The following LAMA4 variants were observed in gnomAD, a reference collection of about 807,000 sequenced individuals.
LAMA4 encodes laminin subunit alpha 4, also known as laminin subunit alpha-4.
A neutral mutation model predicts 207.1 loss-of-function variants in LAMA4; 127 were observed. The ratio of observed to expected loss-of-function variants is 0.61; its 90% CI spans 0.53 to 0.71. The LOEUF is 0.71. LAMA4 is among the 30% of genes least tolerant of loss of function. LAMA4 has a pLI of 0.00. For synonymous variants in LAMA4, 761 were observed against 816.0 expected (o/e 0.93, Z 1.15); for missense variants, 2,093 against 2,246.5 (o/e 0.93, Z 1.38).
chr6:112,156,097 T>C (rs1780696227), intron 14 of LAMA4, among the ~76,000 whole-genome samples: 1 of 152,084 alleles, frequency 6.6e-6, no homozygotes, highest in Non-Finnish European at 1.5e-5. Flanking sequence ...AAGCCAAGGC[T>C]CTAGGAGAGT....
intron 16 of LAMA4, among the ~76,000 whole-genome samples, chr6:112,151,174 T>C (rs1780381294): frequency 6.6e-6 from 1 of 152,210 alleles, no homozygotes; most frequent in African/African-American, 2.4e-5. Context: ...CTAGAGCCCC[T>C]GTGATAACCC....
chr6:112,144,827 C>T lies in LAMA4; in HGVS notation c.2460G>A (p.Glu820=), dbSNP rs1554334108. 2.5e-6 allele frequency: 4 copies of T among 1,613,824 alleles called. No individual in the cohort carries two copies. The Admixed American group carries it at 5.0e-5, about 20-fold the overall frequency. The change falls in exon 19 of 39, where the codon GAG becomes GAA. Residue 820 remains glutamate (E), a synonymous_variant. Coordinates refer to ENST00000230538, the MANE Select transcript of LAMA4 (RefSeq NM_001105206.3). The part of the protein sequence containing the change: ...NVSASIQRIR[E]LIAQTRSVAS... ...CAACACTTCTGGTCTGAGCAATGAG[C>T]TCTCGGATCCTCTGGATGCTGGCAG...
Position 112,136,177 on chromosome 6 carries a change from C to T in LAMA4, c.3360G>A (p.Val1120=), listed in dbSNP as rs782508127. 1.2e-6 allele frequency: 2 copies of T among 1,612,228 alleles called. No homozygotes were observed. Among genetic ancestry groups the T allele is most frequent in the Admixed American group, 1.7e-5 (1 of 59,978 alleles). The part of the protein sequence containing the change: ...FYDFGFSGGP[V]HLEDTLKKAQ... ...CTTTCTTTAACGTATCTTCAAGATG[C>T]ACAGGGCCACCGCTGAATCCAAAAT... The change falls in exon 25 of 39, where the codon GTG becomes GTA. Residue 1120 remains valine, a synonymous_variant. Coordinates refer to ENST00000230538, the MANE Select transcript of LAMA4 (RefSeq NM_001105206.3).
At chr6:112,142,628 C>G (rs1237151067) in intron 19 of LAMA4, among the ~76,000 whole-genome samples, 1 of 152,168 alleles carries the variant, frequency 6.6e-6, no homozygotes, top group African/African-American at 2.4e-5. Flanking sequence ...AAGGCTCATA[C>G]AATTTATACA....
intron 33 of LAMA4, among the ~76,000 whole-genome samples, chr6:112,119,527 C>A (rs1778223254): frequency 6.6e-6 from 1 of 152,086 alleles, no homozygotes; most frequent in Admixed American, 6.6e-5. Context: ...GAAACTTTAT[C>A]CCTCATTTGA....
chr6:112,165,356 T>C, intron 12 of LAMA4, 80 bp from the exon 13 acceptor site: 2 of 936,602 alleles, frequency 2.1e-6, no homozygotes, highest in Non-Finnish European at 3.5e-6. Context: ...AATGTCAACT[T>C]GCTCTCTTTG....
At chr6:112,120,945 G>A (rs111326675) in intron 32 of LAMA4, among the ~76,000 whole-genome samples, 9,609 of 151,900 alleles carry the variant, frequency 0.063, 979 homozygotes, top group African/African-American at 0.22. Context: ...ATGGTGGTGC[G>A]CACCTGTAGT....
At chr6:112,203,803 T>C (rs1355993555) in intron 4 of LAMA4, among the ~76,000 whole-genome samples, 1 of 152,230 alleles carries the variant, frequency 6.6e-6, no homozygotes, top group Non-Finnish European at 1.5e-5. Flanking sequence ...ATTTTCGTTT[T>C]CAGTAGGTTT....
intron 9 of LAMA4, among the ~76,000 whole-genome samples, chr6:112,184,794 A>C (rs530643607): frequency 1.2e-4 from 18 of 152,268 alleles, no homozygotes; most frequent in African/African-American, 4.3e-4. Flanking sequence ...TCCCTGCCAA[A>C]GAGCGAAATT....
chr6:112,228,810 C>T (rs1583953688), intron 2 of LAMA4, among the ~76,000 whole-genome samples: 1 of 152,278 alleles, frequency 6.6e-6, no homozygotes, highest in East Asian at 1.9e-4. Context: ...TGCAAGGGAG[C>T]TTGTGTGCTG....
At chr6:112,189,527 A>C (rs1782890945) in intron 6 of LAMA4, among the ~76,000 whole-genome samples, 1 of 152,194 alleles carries the variant, frequency 6.6e-6, no homozygotes. Context: ...TAAGTTTCAC[A>C]AGATACTAAA....
At position 112,191,847 on chromosome 6, in the gene LAMA4, A is replaced by C; in HGVS notation, c.507T>G (p.Cys169Trp). The C allele has an allele frequency of 6.2e-7, 1 of 1,608,718 alleles. No individual in the cohort carries two copies. The highest frequency in any genetic ancestry group is 1.1e-5 in the South Asian group (1 of 90,958). ...ENYAGPNCER[C>W]APGYYGNPLL... is the part of the protein sequence containing the mutation. ...AGGGGTTTCCATAGTAACCGGGAGCACATCTGAAGAGGAATATCACACATT... is the reference window on the plus strand; with the variant it reads ...AGGGGTTTCCATAGTAACCGGGAGCCCATCTGAAGAGGAATATCACACATT... Residue 169 changes from cysteine to tryptophan, a missense_variant, in exon 6 of 39, where the codon TGT (cysteine) becomes TGG (tryptophan). Around this residue, in one of 3 missense-constraint regions of LAMA4, gnomAD observed 1,704 missense variants for 1,788.4 expected, o/e 0.95. Transcript: ENST00000230538.
chr6:112,111,960 A>G (rs1045590972), intron 38 of LAMA4, among the ~76,000 whole-genome samples: 36 of 152,062 alleles, frequency 2.4e-4, no homozygotes, highest in African/African-American at 8.7e-4. Flanking sequence ...TGGGTGGCAT[A>G]GTGAAGGACA....
chr6:112,187,189 T>C, intron 8 of LAMA4: 1 of 557,572 alleles, frequency 1.8e-6, no homozygotes, highest in Non-Finnish European at 3.2e-6. Flanking sequence ...TGGGCATAGA[T>C]ACTAGTCTTT....
At chr6:112,126,416 T>C (rs918261033) in intron 31 of LAMA4, among the ~76,000 whole-genome samples, 12 of 152,212 alleles carry the variant, frequency 7.9e-5, no homozygotes, top group African/African-American at 2.2e-4. Flanking sequence ...TCCTTCATAG[T>C]ATCTTCCAGC....
Position 112,216,813 on chromosome 6 carries a change from C to T in LAMA4, c.196-344G>A, listed in dbSNP as rs191420018. 549 of 340,478 alleles carry T rather than the reference C, an allele frequency of 1.6e-3. 5 individuals are homozygous for T. Among genetic ancestry groups the T allele is most frequent in the African/African-American group, 0.011 (522 of 46,704 alleles). The allele number at this position is 340,478 out of a possible 1,614,324, so 21.1% of individuals were successfully genotyped here. On this transcript the variant is annotated intron_variant, in intron 2 of 38. Coordinates refer to ENST00000230538, the MANE Select transcript of LAMA4 (RefSeq NM_001105206.3). ...TGCTAATGTTTTCTTCCAGTATAAGCAAAACAAAACAAGACCACAATTAAG... is the reference window on the plus strand; with the variant it reads ...TGCTAATGTTTTCTTCCAGTATAAGTAAAACAAAACAAGACCACAATTAAG...
At chr6:112,190,222 G>T (rs9374310) in intron 6 of LAMA4, among the ~76,000 whole-genome samples, 1 of 152,264 alleles carries the variant, frequency 6.6e-6, no homozygotes, top group East Asian at 1.9e-4. Flanking sequence ...TGAGAATCAG[G>T]ATGTCAACCT....
Position 112,201,890 on chromosome 6 carries a change from G to A in LAMA4, c.423-202C>T, listed in dbSNP as rs6942034. On this transcript the variant is annotated intron_variant, in intron 4 of 38. Transcript: ENST00000230538. ...AAAAGAAAATGCCACTTGTTGGTGG[G>A]ACCATTTCCCAGGTCCTATATATAT... Among the ~76,000 whole-genome samples, 4,768 of 152,200 alleles carry A rather than the reference G, an allele frequency of 0.031. 245 individuals are homozygous for A. Among genetic ancestry groups the A allele is most frequent in the African/African-American group, 0.11 (4,439 of 41,512 alleles).
intron 2 of LAMA4, among the ~76,000 whole-genome samples, chr6:112,241,140 T>TATATATATATATGAATATATATATTC (rs1554187579): frequency 1.2e-4 from 8 of 68,422 alleles, no homozygotes; most frequent in African/African-American, 3.9e-4. Context: ...TATATAGGAA[T>TATATATATATATGAATATATATATTC]ATATATATGA....
Sources: gnomAD v4.1 joint callset for allele counts (sites outside exome capture counted in the v4.1 genomes callset) on GRCh38, gnomAD v4.1.1 for gene constraint, gnomAD v4.1.1 regional missense constraint, MANE v1.5 for transcripts, NCBI Gene and HGNC (gene_info 2026-07-23, HGNC 2026-07-21) for gene names.